SIPA1L1: variants seen among roughly 807,000 people sequenced by gnomAD.
The protein encoded by SIPA1L1 is signal-induced proliferation-associated 1-like protein 1.
SIPA1L1 carries 26 observed loss-of-function variants against 162.7 expected under a neutral mutation model. That is an observed-to-expected ratio of 0.16 (90% CI 0.12 to 0.22). SIPA1L1 has a LOEUF of 0.22. Ranked by LOEUF, SIPA1L1 falls within the 10% of genes least tolerant of loss-of-function variation. SIPA1L1 has a pLI of 1.00. For synonymous variants in SIPA1L1, 829 were observed against 837.4 expected (o/e 0.99, Z 0.17); for missense variants, 1,874 against 2,241.0 (o/e 0.84, Z 3.31).
chr14:71,580,068 G>C (rs1042314450), intron 4 of SIPA1L1, among the ~76,000 whole-genome samples: 2 of 152,202 alleles, frequency 1.3e-5, no homozygotes, highest in South Asian at 2.1e-4. Flanking sequence ...GTTTTTTACA[G>C]AGTTCATTAT....
intron 10 of SIPA1L1, among the ~76,000 whole-genome samples, chr14:71,670,114 G>A (rs1238935333): frequency 2.0e-5 from 3 of 152,266 alleles, no homozygotes; most frequent in African/African-American, 7.2e-5. Flanking sequence ...TTTGGAAAGA[G>A]CGATCTTCGA....
At chr14:71,577,137 A>C (rs935862125) in intron 4 of SIPA1L1, among the ~76,000 whole-genome samples, 1 of 151,938 alleles carries the variant, frequency 6.6e-6, no homozygotes, top group Non-Finnish European at 1.5e-5. Flanking sequence ...GAAGGTTCTC[A>C]AAGTGACATG....
chr14:71,566,464 G>A (rs187705250), intron 4 of SIPA1L1, among the ~76,000 whole-genome samples: 1 of 152,316 alleles, frequency 6.6e-6, no homozygotes, highest in African/African-American at 2.4e-5. Context: ...AATTAATGGG[G>A]TTAGCAGGAT....
chr14:71,356,583 A>AAAAAAAAAAAAAAAAAAAAAACAC (rs2037283047), intron 2 of SIPA1L1, among the ~76,000 whole-genome samples: 1 of 145,686 alleles, frequency 6.9e-6, no homozygotes, highest in Non-Finnish European at 1.5e-5. Flanking sequence ...AAAAAAAAAA[A>AAAAAAAAAAAAAAAAAAAAAACAC]AAAAGCACAC....
intron 4 of SIPA1L1, among the ~76,000 whole-genome samples, chr14:71,584,610 C>T (rs1025459276): frequency 5.9e-5 from 9 of 152,120 alleles, no homozygotes; most frequent in Non-Finnish European, 1.5e-5. Flanking sequence ...AGCATTTCTT[C>T]TGGAAGAATG....
chr14:71,437,651 C>T (rs141384534), intron 2 of SIPA1L1, among the ~76,000 whole-genome samples: 4 of 152,118 alleles, frequency 2.6e-5, no homozygotes, highest in Non-Finnish European at 5.9e-5. Context: ...CGTAAGACAC[C>T]GCGCCTGGCT....
chr14:71,331,787 C>G (rs969988555), intron 2 of SIPA1L1, among the ~76,000 whole-genome samples: 1 of 151,948 alleles, frequency 6.6e-6, no homozygotes, highest in Admixed American at 6.6e-5. Flanking sequence ...CAGTGGGCCC[C>G]ATATGAAGGT....
intron 5 of SIPA1L1, among the ~76,000 whole-genome samples, chr14:71,594,425 A>G (rs1481621098): frequency 1.3e-5 from 2 of 152,250 alleles, no homozygotes; most frequent in East Asian, 3.9e-4. Context: ...TTGTTTATTC[A>G]GTTTTTTTTG....
At chr14:71,463,687 G>A (rs2046777099) in intron 2 of SIPA1L1, among the ~76,000 whole-genome samples, 1 of 152,162 alleles carries the variant, frequency 6.6e-6, no homozygotes, top group South Asian at 2.1e-4. Context: ...ACTGGCTCAA[G>A]TCCGGAAATT....
intron 2 of SIPA1L1, among the ~76,000 whole-genome samples, chr14:71,495,336 T>G (rs1595759460): frequency 6.6e-6 from 1 of 152,044 alleles, no homozygotes; most frequent in East Asian, 1.9e-4. Flanking sequence ...TCTTCTTGAG[T>G]TGGTATTGGT....
At chr14:71,636,561 T>A (rs1342404163) in intron 7 of SIPA1L1, among the ~76,000 whole-genome samples, 2 of 152,120 alleles carry the variant, frequency 1.3e-5, no homozygotes, top group African/African-American at 4.8e-5. Flanking sequence ...AGGGGGAAAT[T>A]GACAGTATGA....
At chr14:71,544,281 G>A (rs61989417) in intron 4 of SIPA1L1, among the ~76,000 whole-genome samples, 16 of 106,146 alleles carry the variant, frequency 1.5e-4, no homozygotes, top group Admixed American at 3.7e-4. Context: ...ATATACATAT[G>A]TGTATATACA....
intron 2 of SIPA1L1, among the ~76,000 whole-genome samples, chr14:71,474,032 T>C (rs933650604): frequency 6.6e-6 from 1 of 152,230 alleles, no homozygotes; most frequent in Admixed American, 6.5e-5. Context: ...ATTCCCTTGT[T>C]TGCTTTCAGC....
rs1171181037 is a variant in SIPA1L1, at chr14:71,459,131, GTGTT to G, written c.-464-53609_-464-53606del. On this transcript the variant is annotated intron_variant, in intron 2 of 23. Transcript: ENST00000381232. ...TTTTGTTGATACACATTTTAGGAAG[GTGTT>G]TGGTATGTGCTAGCTGTGAGCATTA... Among the ~76,000 whole-genome samples the G allele has an allele frequency of 2.6e-5, 4 of 152,006 alleles. No homozygotes were observed. In the East Asian group the frequency reaches 7.7e-4, roughly 29 times the overall value.
intron 2 of SIPA1L1, among the ~76,000 whole-genome samples, chr14:71,455,452 C>T (rs922473957): frequency 2.0e-5 from 3 of 151,972 alleles, no homozygotes; most frequent in African/African-American, 7.3e-5. Flanking sequence ...CATATGATCA[C>T]GAGACAAAAT....
At chr14:71,615,169 A>G (rs1410504908) in intron 5 of SIPA1L1, among the ~76,000 whole-genome samples, 1 of 152,208 alleles carries the variant, frequency 6.6e-6, no homozygotes, top group Non-Finnish European at 1.5e-5. Context: ...AAGAGGGGTT[A>G]TGGAAAGAAT....
At chr14:71,517,566 G>C (rs988223408) in intron 3 of SIPA1L1, among the ~76,000 whole-genome samples, 1 of 152,138 alleles carries the variant, frequency 6.6e-6, no homozygotes, top group African/African-American at 2.4e-5. Context: ...CTGGATGGTA[G>C]GATATGCCGT....
intron 2 of SIPA1L1, among the ~76,000 whole-genome samples, chr14:71,477,557 T>G (rs2047979435): frequency 6.6e-6 from 1 of 152,194 alleles, no homozygotes; most frequent in Non-Finnish European, 1.5e-5. Flanking sequence ...CCCGGGCTGG[T>G]CTCAAATTCC....
At chr14:71,414,606 G>A (rs1263126705) in intron 2 of SIPA1L1, among the ~76,000 whole-genome samples, 1 of 152,144 alleles carries the variant, frequency 6.6e-6, no homozygotes, top group African/African-American at 2.4e-5. Context: ...ACTTAAGAAG[G>A]TTTTCTGTTA....
Sources: allele counts gnomAD v4.1 joint callset (sites outside exome capture counted in the v4.1 genomes callset), GRCh38; gene constraint gnomAD v4.1.1; transcripts MANE v1.5; gene names NCBI Gene and HGNC (gene_info 2026-07-23, HGNC 2026-07-21).